Variants in YLPM1 observed in about 807,000 individuals in gnomAD.
The protein encoded by YLPM1 is YLP motif-containing protein 1.
A neutral mutation model predicts 230.0 loss-of-function variants in YLPM1; 99 were observed. That is an observed-to-expected ratio of 0.43 (90% CI 0.37 to 0.51). YLPM1 has a LOEUF of 0.51. YLPM1 is among the 20% of genes least tolerant of loss of function. YLPM1 has a pLI of 0.00. For synonymous variants in YLPM1, 984 were observed against 942.5 expected (o/e 1.04, Z -0.81); for missense variants, 2,592 against 2,707.7 (o/e 0.96, Z 0.95).
At chr14:74,797,499 G>T in intron 4 of YLPM1, 81 bp from the exon 5 acceptor site, 1 of 1,170,936 alleles carries the variant, frequency 8.5e-7, no homozygotes, top group South Asian at 2.0e-5. Flanking sequence ...TCTAAGGCAA[G>T]AGTGCCTTAA....
intron 4 of YLPM1, among the ~76,000 whole-genome samples, chr14:74,790,959 TAGAC>T (rs1220718796): frequency 2.0e-5 from 3 of 152,326 alleles, no homozygotes; most frequent in East Asian, 1.9e-4. Flanking sequence ...AGTCCAGTAA[TAGAC>T]AGGTGCAGTG....
At chr14:74,804,668 A>G (rs1431832859) in intron 6 of YLPM1, among the ~76,000 whole-genome samples, 1 of 152,184 alleles carries the variant, frequency 6.6e-6, no homozygotes, top group African/African-American at 2.4e-5. Flanking sequence ...ACCCTGTAAC[A>G]TCTTGTACTA....
chr14:74,806,498 A>C (rs2091379847), intron 6 of YLPM1, among the ~76,000 whole-genome samples: 1 of 152,216 alleles, frequency 6.6e-6, no homozygotes, highest in Admixed American at 6.5e-5. Context: ...AGACTGAGGC[A>C]GGAGAATTGC....
At chr14:74,804,173 AAAC>A (rs2140117753) in intron 6 of YLPM1, among the ~76,000 whole-genome samples, 1 of 152,262 alleles carries the variant, frequency 6.6e-6, no homozygotes, top group African/African-American at 2.4e-5. Flanking sequence ...AAACAAAACA[AAAC>A]AAAATTCTCA....
chr14:74,800,348 C>T (rs2140112971), intron 5 of YLPM1, among the ~76,000 whole-genome samples: 1 of 152,238 alleles, frequency 6.6e-6, no homozygotes, highest in East Asian at 1.9e-4. Flanking sequence ...CATAATTTTC[C>T]TCTTTTCTTG....
At chr14:74,835,110 A>G in intron 19 of YLPM1, 155 bp from the exon 20 acceptor site, 3 of 926,144 alleles carry the variant, frequency 3.2e-6, no homozygotes, top group Non-Finnish European at 4.7e-6. Flanking sequence ...GACTTAAAAT[A>G]TATGGCTTTT....
At chr14:74,784,058 G>T (rs917756485) in intron 4 of YLPM1, among the ~76,000 whole-genome samples, 2 of 152,200 alleles carry the variant, frequency 1.3e-5, no homozygotes, top group Non-Finnish European at 2.9e-5. Context: ...TATTTGGCAT[G>T]TGTATCATCT....
chr14:74,815,436 C>T (rs1376216869), intron 11 of YLPM1, among the ~76,000 whole-genome samples: 3 of 152,004 alleles, frequency 2.0e-5, no homozygotes, highest in Admixed American at 1.3e-4. Context: ...GTGGCAGGCA[C>T]CTGTAATCCC....
At chr14:74,829,192 G>T in intron 18 of YLPM1, 21 bp from the exon 19 acceptor site, 1 of 1,611,958 alleles carries the variant, frequency 6.2e-7, no homozygotes, top group Non-Finnish European at 8.5e-7. Context: ...TTAATGCTAC[G>T]GCTCTGTGTT....
At chr14:74,790,099 T>C (rs1209786175) in intron 4 of YLPM1, among the ~76,000 whole-genome samples, 2 of 152,166 alleles carry the variant, frequency 1.3e-5, no homozygotes, top group Non-Finnish European at 2.9e-5. Flanking sequence ...TAGAATCCAT[T>C]GACCATTTGG....
In YLPM1 at chr14:74,816,602, C is replaced by T; in HGVS notation, c.5597C>T (p.Pro1866Leu). Residue 1866 changes from proline (P) to leucine (L), a missense_variant, in exon 13 of 21, where the codon CCC becomes CTC. By Grantham distance (98) the Pro-to-Leu change is moderately conservative. This residue lies in a region of YLPM1 where 315 missense variants were observed against 429.3 expected (regional missense o/e 0.73). Transcript: ENST00000325680. The stretch of plus-strand genomic sequence containing the variant: ...GAGGTAGAATTTGGAGGACCTGCAC[C>T]CAGAGTTCTAAGCCTGGATGATTAC... Reference protein sequence around the residue: ...DKEVEFGGPAPRVLSLDDYFI... With the variant: ...DKEVEFGGPALRVLSLDDYFI... The T allele has an allele frequency of 6.2e-7, 1 of 1,613,394 alleles. No individual in the cohort carries two copies. The highest frequency in any genetic ancestry group is 1.7e-5 in the Admixed American group (1 of 59,966).
At chr14:74,825,568 A>G (rs2091555147) in intron 18 of YLPM1, among the ~76,000 whole-genome samples, 1 of 152,150 alleles carries the variant, frequency 6.6e-6, no homozygotes, top group African/African-American at 2.4e-5. Context: ...AAAAATTACA[A>G]AATACTTTTA....
In YLPM1 at chr14:74,798,951, C is replaced by A. The variant is rs376902765; in HGVS notation, c.3654C>A (p.Leu1218=). 24 of 1,613,602 alleles carry A rather than the reference C, an allele frequency of 1.5e-5. No homozygotes were observed. Among genetic ancestry groups the A allele is most frequent in the Non-Finnish European group, 1.9e-5 (23 of 1,179,798 alleles). The change falls in exon 5 of 21, where the codon CTC becomes CTA. Residue 1218 remains leucine (L), a synonymous_variant. Coordinates refer to ENST00000325680, the MANE Select transcript of YLPM1 (RefSeq NM_019589.3). The stretch of plus-strand genomic sequence containing the variant: ...ATGCTCCAATGGAACGAGAAAGACT[C>A]GATGACTGGGATAGAGAGAGATACT... ...GRNAPMERER[L]DDWDRERYWR...
intron 4 of YLPM1, among the ~76,000 whole-genome samples, chr14:74,795,858 C>G (rs144288270): frequency 1.9e-4 from 29 of 152,328 alleles, no homozygotes; most frequent in African/African-American, 6.7e-4. Flanking sequence ...AGTTTATTCT[C>G]TCTTAGGACT....
intron 4 of YLPM1, among the ~76,000 whole-genome samples, chr14:74,791,661 A>G (rs184515757): frequency 6.6e-6 from 1 of 152,362 alleles, no homozygotes; most frequent in Non-Finnish European, 1.5e-5. Context: ...TTTGGTTAGC[A>G]AGACAAACAT....
At chr14:74,810,160 T>G in intron 8 of YLPM1, 65 bp from the exon 9 acceptor site, 1 of 1,554,140 alleles carries the variant, frequency 6.4e-7, no homozygotes, top group Non-Finnish European at 8.7e-7. Context: ...GAAGTTAGAT[T>G]TATAGTTTTC....
At chr14:74,828,159 A>C (rs182426683) in intron 18 of YLPM1, 1 of 261,100 alleles carries the variant, frequency 3.8e-6, no homozygotes, top group Admixed American at 6.5e-5. Context: ...CTTTCATTGC[A>C]CTTTTCATAC....
intron 18 of YLPM1, chr14:74,827,757 C>T (rs2091576843): frequency 1.0e-6 from 1 of 985,364 alleles, no homozygotes; most frequent in Non-Finnish European, 1.2e-6. Flanking sequence ...GAACCAAGAA[C>T]AGTTTTATTG....
chr14:74,823,670 C>A (rs920144204), intron 17 of YLPM1, among the ~76,000 whole-genome samples: 2 of 151,972 alleles, frequency 1.3e-5, no homozygotes, highest in East Asian at 1.9e-4. Context: ...TAAAATTAGC[C>A]GTTGTATGCT....
Sources: allele counts gnomAD v4.1 joint callset (sites outside exome capture counted in the v4.1 genomes callset), GRCh38; gene constraint gnomAD v4.1.1; regional missense constraint gnomAD v4.1.1; transcripts MANE v1.5; gene names NCBI Gene and HGNC (gene_info 2026-07-23, HGNC 2026-07-21).